UPF2: variants seen among roughly 807,000 people sequenced by gnomAD.
UPF2 encodes the protein UPF2 regulator of nonsense mediated mRNA decay.
Under a neutral mutation model 141.4 loss-of-function variants are expected in UPF2, and 17 were observed. The ratio of observed to expected loss-of-function variants is 0.12; its 90% CI spans 0.08 to 0.18. The LOEUF (loss-of-function observed/expected upper bound fraction) is 0.18, where lower values mean the gene tolerates loss of function less well. UPF2 is among the 10% of genes least tolerant of loss of function. The pLI is 1.00. For missense variants in UPF2, 1,152 were observed against 1,515.9 expected, an observed-to-expected ratio of 0.76 and a Z score of 3.99; for synonymous variants, 540 against 498.0, an observed-to-expected ratio of 1.08 and a Z score of -1.12.
At chr10:11,970,605 A>G (rs1833400078) in intron 9 of UPF2, among the ~76,000 whole-genome samples, 1 of 152,184 alleles carries the variant, frequency 6.6e-6, no homozygotes, top group Non-Finnish European at 1.5e-5. Context: ...TGAGGTCAGG[A>G]GTTTGAGACC....
Position 11,953,646 on chromosome 10 carries a change from T to C in UPF2, c.2851-1397A>G, listed in dbSNP as rs547586944. Among the ~76,000 whole-genome samples the C allele has an allele frequency of 3.3e-5, 5 of 152,376 alleles. No individual in the cohort carries two copies. Among genetic ancestry groups the C allele is most frequent in the Admixed American group, 6.5e-5 (1 of 15,310 alleles). On this transcript the variant is annotated intron_variant, in intron 14 of 21. Transcript: ENST00000357604. This position sits in a 1 kb window ranked among gnomAD's most constrained non-coding sequence, Gnocchi z 5.0. ...TTCTCTTCTGAGAGAGATTCTACTT[T>C]GGATGCTGTTATAGCTGCCATTTTG... is the stretch of plus-strand genomic sequence containing the variant.
intron 5 of UPF2, among the ~76,000 whole-genome samples, chr10:12,002,929 T>C (rs1833976231): frequency 6.6e-6 from 1 of 152,228 alleles, no homozygotes; most frequent in Non-Finnish European, 1.5e-5. Flanking sequence ...ATGGTATTTC[T>C]CAGCTTCATC....
At chr10:12,036,345 A>C (rs1834625236) in intron 1 of UPF2, among the ~76,000 whole-genome samples, 1 of 152,258 alleles carries the variant, frequency 6.6e-6, no homozygotes, top group African/African-American at 2.4e-5. Flanking sequence ...CGTCGGAGAA[A>C]AAATTATCAC....
intron 11 of UPF2, among the ~76,000 whole-genome samples, chr10:11,960,170 C>G (rs1049700703): frequency 5.3e-5 from 8 of 152,190 alleles, no homozygotes; most frequent in African/African-American, 1.9e-4. Flanking sequence ...GAACCACTGA[C>G]AAGTTGAAGA....
chr10:11,926,264 A>C (rs1295252744), intron 21 of UPF2, among the ~76,000 whole-genome samples: 2 of 152,182 alleles, frequency 1.3e-5, no homozygotes, highest in East Asian at 1.9e-4. Context: ...CTCTCCCTGC[A>C]CTGGAGACCC....
In UPF2 at chr10:11,995,762, G is replaced by A. The variant is rs1235714991; in HGVS notation, c.1844+1910C>T. 3.3e-5 allele frequency among the ~76,000 whole-genome samples: 5 copies of A among 151,982 alleles called. No homozygotes were observed. In the East Asian group the frequency reaches 5.8e-4, roughly 18 times the overall value. ...CGCACCACTGCACTCCAGCCTGGGC[G>A]ACAAGTGAGACTCTGTATCAAAAAA... On this transcript the variant is annotated intron_variant, in intron 8 of 21. Transcript: ENST00000357604.
chr10:11,920,916 A>G lies in UPF2; in HGVS notation c.*382T>C. 1 of 455,750 alleles carries G rather than the reference A, an allele frequency of 2.2e-6. No homozygotes were observed. The highest frequency in any genetic ancestry group is 2.5e-5 in the Admixed American group (1 of 40,636). 28.2% of individuals were successfully genotyped at this position (455,750 alleles called of 1,614,324 possible). A position where few individuals can be genotyped will look rare whatever the true frequency, so the allele number is the denominator to read the frequency against. The stretch of plus-strand genomic sequence containing the variant: ...GAAACTCAAATCAAGTTTAAAGCTC[A>G]AGTTCATTTCCCCCACACCATTACC... On this transcript the variant is annotated 3_prime_UTR_variant, in exon 22 of 22. Transcript: ENST00000357604.
intron 11 of UPF2, among the ~76,000 whole-genome samples, chr10:11,961,695 T>C: frequency 6.6e-6 from 1 of 152,214 alleles, no homozygotes; most frequent in South Asian, 2.1e-4. Flanking sequence ...TCTTTTTCAC[T>C]GTCACATACG....
intron 21 of UPF2, among the ~76,000 whole-genome samples, chr10:11,922,677 G>A (rs1832660559): frequency 6.6e-6 from 1 of 151,958 alleles, no homozygotes; most frequent in Non-Finnish European, 1.5e-5. Context: ...CTCAAAAACT[G>A]TTTATTAATA....
At position 11,961,580 on chromosome 10, in the gene UPF2, G is replaced by C. The variant is rs1047779779; in HGVS notation, c.2185-2224C>G. Among the ~76,000 whole-genome samples the C allele has an allele frequency of 3.9e-5, 6 of 152,066 alleles. No homozygotes were observed. In the East Asian group the frequency reaches 1.2e-3, roughly 29 times the overall value. On this transcript the variant is annotated intron_variant, in intron 11 of 21. Coordinates refer to ENST00000357604, the MANE Select transcript of UPF2 (RefSeq NM_015542.4). ...AGAAGGCTGGGTTTAAGTGTGCAGA[G>C]GGAGATCACTGACAAGCTTCAAGCG...
intron 17 of UPF2, 47 bp downstream of exon 17, chr10:11,943,016 TA>T: frequency 7.2e-7 from 1 of 1,382,640 alleles, no homozygotes; most frequent in Non-Finnish European, 1.0e-6. Context: ...TCAAATACTA[TA>T]AAAATGCTGC....
At chr10:11,942,969 T>G in intron 17 of UPF2, 95 bp downstream of exon 17, 1 of 946,368 alleles carries the variant, frequency 1.1e-6, no homozygotes, top group Non-Finnish European at 1.6e-6. Context: ...ATATTTTTCA[T>G]AATCAAAAGA....
intron 3 of UPF2, among the ~76,000 whole-genome samples, chr10:12,021,329 A>G (rs909671476): frequency 6.6e-6 from 1 of 150,448 alleles, no homozygotes; most frequent in Non-Finnish European, 1.5e-5. Flanking sequence ...CAAGATATCA[A>G]GACCAGCCTG....
chr10:12,031,313 G>A (rs1275657403), intron 2 of UPF2, among the ~76,000 whole-genome samples: 3 of 152,016 alleles, frequency 2.0e-5, no homozygotes, highest in African/African-American at 4.8e-5. Flanking sequence ...AATTTGGAAA[G>A]GAACCAGAAG....
intron 3 of UPF2, chr10:12,026,646 C>CTTTTTTT (rs760035093): frequency 7.7e-6 from 3 of 389,664 alleles, no homozygotes; most frequent in East Asian, 7.7e-5. Context: ...TTCCTATAAA[C>CTTTTTTT]TTTTTTTTTT....
intron 3 of UPF2, among the ~76,000 whole-genome samples, chr10:12,024,604 C>T (rs566019455): frequency 1.6e-4 from 25 of 151,804 alleles, no homozygotes; most frequent in Middle Eastern, 6.8e-3. Context: ...AGGGAAACCC[C>T]GTCTCGAAAA....
In UPF2 at chr10:12,014,088, T is replaced by C; in HGVS notation, c.1242A>G (p.Gln414=). The change falls in exon 4 of 22, where the codon CAA becomes CAG. Residue 414 remains glutamine (Q), a synonymous_variant. Coordinates refer to ENST00000357604, the MANE Select transcript of UPF2 (RefSeq NM_015542.4). This position sits in a 1 kb window ranked among gnomAD's most constrained non-coding sequence, Gnocchi z 5.0. ...TTTCATCCAAAAGGTCTGCTAAGGA[T>C]TGAGAATTTGCCAGCAGCTTCTGGT... is the stretch of plus-strand genomic sequence containing the variant. ...MSYQKLLANS[Q]SLADLLDENM... is the part of the protein sequence containing the mutation. The C allele has an allele frequency of 1.9e-6, 3 of 1,600,570 alleles. No individual in the cohort carries two copies. The South Asian group carries it at 3.4e-5, about 18-fold the overall frequency.
intron 19 of UPF2, among the ~76,000 whole-genome samples, chr10:11,934,750 T>C (rs1428748583): frequency 3.9e-5 from 6 of 152,076 alleles, no homozygotes; most frequent in East Asian, 1.9e-4. Context: ...CCACCAAGCC[T>C]GGCTAATTTT....
At chr10:11,964,247 T>C (rs1316886872) in intron 10 of UPF2, 122 bp from the exon 11 acceptor site, 2 of 559,824 alleles carry the variant, frequency 3.6e-6, no homozygotes, top group Admixed American at 3.5e-5. Context: ...GTGAGTCTAC[T>C]TGGGTTCACT....
Sources: gnomAD v4.1 joint callset for allele counts (sites outside exome capture counted in the v4.1 genomes callset) on GRCh38, gnomAD v4.1.1 for gene constraint, Gnocchi (gnomAD v3.1) non-coding constraint, MANE v1.5 for transcripts, NCBI Gene and HGNC (gene_info 2026-07-23, HGNC 2026-07-21) for gene names.